The following ZBBX variants were observed in gnomAD, a reference collection of about 807,000 sequenced individuals.
ZBBX encodes zinc finger B-box domain-containing protein 1.
ZBBX carries 101 observed loss-of-function variants against 108.5 expected under a neutral mutation model. That is an observed-to-expected ratio of 0.93 (90% confidence interval 0.79 to 1.10). The LOEUF is 1.10. Ranked by LOEUF, ZBBX falls within the 50% of genes least tolerant of loss-of-function variation. The pLI is 0.00. For missense variants in ZBBX, 1,009 were observed against 941.4 expected (o/e 1.07, Z -0.94); for synonymous variants, 356 against 323.4 (o/e 1.10, Z -1.08).
the ZBBX span, among the ~76,000 whole-genome samples, chr3:167,229,068 T>C: frequency 2.0e-5 from 3 of 151,844 alleles, no homozygotes; most frequent in Admixed American, 1.3e-4. Context: ...ACTTAGCAAG[T>C]GGATTGTGCA....
downstream of ZBBX, among the ~76,000 whole-genome samples, chr3:167,238,996 A>G (rs537847797): frequency 6.6e-6 from 1 of 152,170 alleles, no homozygotes; most frequent in East Asian, 1.9e-4. Context: ...ATCTATCTAT[A>G]TATCTATCTA....
the ZBBX span, among the ~76,000 whole-genome samples, chr3:167,194,869 G>T: frequency 1.3e-5 from 2 of 152,152 alleles, no homozygotes; most frequent in African/African-American, 4.8e-5. Flanking sequence ...CCTTTCCCTT[G>T]TATAGGAACT....
the ZBBX span, among the ~76,000 whole-genome samples, chr3:167,213,128 CAG>C: frequency 6.6e-6 from 1 of 152,110 alleles, no homozygotes; most frequent in African/African-American, 2.4e-5. Flanking sequence ...CTCAAATGGC[CAG>C]AGTGTCATAT....
At chr3:167,366,558 A>T (rs1413862157) in intron 5 of ZBBX, among the ~76,000 whole-genome samples, 1 of 151,916 alleles carries the variant, frequency 6.6e-6, no homozygotes, top group African/African-American at 2.4e-5. Context: ...TTAAAAAATA[A>T]CAATAAGACA....
chr3:167,336,148 T>TTA (rs779825211), intron 9 of ZBBX, among the ~76,000 whole-genome samples: 47 of 152,176 alleles, frequency 3.1e-4, no homozygotes, highest in Middle Eastern at 3.4e-3. Context: ...TATGTTTATT[T>TTA]AAGTAACACA....
intron 20 of ZBBX, among the ~76,000 whole-genome samples, chr3:167,279,714 C>G (rs1013789832): frequency 0.049 from 7,500 of 151,712 alleles, 499 homozygotes; most frequent in African/African-American, 0.15. Context: ...ATCAAGCTAC[C>G]AATGACTTTC....
chr3:167,251,317 G>A (rs373329665), intron 20 of ZBBX, among the ~76,000 whole-genome samples: 28 of 152,198 alleles, frequency 1.8e-4, no homozygotes, highest in African/African-American at 2.9e-4. Context: ...CTTGTGACAA[G>A]GTAGAGGGTC....
Position 167,403,324 on chromosome 3 carries a change from G to A in ZBBX, c.-446+4402C>T, listed in dbSNP as rs112826587. 2.8e-3 allele frequency among the ~76,000 whole-genome samples: 420 copies of A among 152,078 alleles called. 2 individuals are homozygous for A. Among genetic ancestry groups the A allele is most frequent in the African/African-American group, 9.3e-3 (386 of 41,500 alleles). ...TAGAATCCTACATCCAGCAAAAATC[G>A]CCTTCAAAACTAAAGGTAAAATACA... is the stretch of plus-strand genomic sequence containing the variant. On this transcript the variant is annotated intron_variant, in intron 1 of 21. Transcript: ENST00000455345.
intron 1 of ZBBX, among the ~76,000 whole-genome samples, chr3:167,407,598 T>G (rs1748626844): frequency 6.6e-6 from 1 of 152,144 alleles, no homozygotes; most frequent in Non-Finnish European, 1.5e-5. Context: ...CAGTATACAC[T>G]GTATTCTTAC....
intron 12 of ZBBX, among the ~76,000 whole-genome samples, chr3:167,321,577 G>A (rs1337092173): frequency 1.3e-5 from 2 of 151,990 alleles, no homozygotes; most frequent in East Asian, 3.9e-4. Context: ...TATCACCTGG[G>A]AGCTATTAGA....
chr3:167,203,713 C>G, the ZBBX span, among the ~76,000 whole-genome samples: 1 of 152,020 alleles, frequency 6.6e-6, no homozygotes, highest in African/African-American at 2.4e-5. Flanking sequence ...AAGCAATTAT[C>G]TTCCTGTTGT....
intron 15 of ZBBX, among the ~76,000 whole-genome samples, chr3:167,314,556 T>A (rs1735119018): frequency 6.6e-6 from 1 of 152,208 alleles, no homozygotes; most frequent in Non-Finnish European, 1.5e-5. Flanking sequence ...TTAATAATGA[T>A]TACTATCTAT....
At chr3:167,358,056 T>C (rs1384477193) in intron 8 of ZBBX, among the ~76,000 whole-genome samples, 5 of 151,940 alleles carry the variant, frequency 3.3e-5, no homozygotes, top group African/African-American at 7.3e-5. Flanking sequence ...TTAGGAGATA[T>C]ACCTAATGCT....
At chr3:167,188,700 C>A in the ZBBX span, among the ~76,000 whole-genome samples, 1 of 152,186 alleles carries the variant, frequency 6.6e-6, no homozygotes, top group South Asian at 2.1e-4. Context: ...CATTTATCTA[C>A]ATAATAACTT....
At position 167,327,951 on chromosome 3, in the gene ZBBX, C is replaced by T; in HGVS notation, c.853G>A (p.Ala285Thr). ...AAAAAAAAAGCCATACCTTTTACTG[C>T]TGCATGTAAATTCTGTTTCTTGTTG... is the stretch of plus-strand genomic sequence containing the variant. ...DDNKKQNLHA[A>T]VKDSLEECEV... Residue 285 changes from alanine to threonine, a missense_variant, in exon 11 of 22, where the codon GCA (alanine) becomes ACA (threonine). Transcript: ENST00000675490. 2 of 1,383,818 alleles carry T rather than the reference C, an allele frequency of 1.4e-6. No individual in the cohort carries two copies. 85.7% of individuals were successfully genotyped at this position (1,383,818 alleles called of 1,614,324 possible).
intron 20 of ZBBX, among the ~76,000 whole-genome samples, chr3:167,258,896 G>A (rs1478987332): frequency 6.6e-6 from 1 of 152,106 alleles, no homozygotes; most frequent in Non-Finnish European, 1.5e-5. Flanking sequence ...GAGGATTTTA[G>A]CATCTATGTT....
At chr3:167,279,948 T>C (rs1728462093) in intron 20 of ZBBX, among the ~76,000 whole-genome samples, 3 of 151,744 alleles carry the variant, frequency 2.0e-5, no homozygotes, top group Admixed American at 2.0e-4. Context: ...ACGCCGCATA[T>C]CTACAGCTAT....
At chr3:167,406,984 CA>C (rs1560218868) in intron 1 of ZBBX, among the ~76,000 whole-genome samples, 1 of 152,164 alleles carries the variant, frequency 6.6e-6, no homozygotes, top group Non-Finnish European at 1.5e-5. Flanking sequence ...ACATAAGAAC[CA>C]GGAGAACAGT....
chr3:167,188,078 T>G, the ZBBX span, among the ~76,000 whole-genome samples: 1 of 152,182 alleles, frequency 6.6e-6, no homozygotes, highest in Admixed American at 6.6e-5. Flanking sequence ...GAAAAAATCT[T>G]ACTCAGATTA....
Sources: allele counts gnomAD v4.1 joint callset (sites outside exome capture counted in the v4.1 genomes callset), GRCh38; gene constraint gnomAD v4.1.1; transcripts MANE v1.5; gene names NCBI Gene and HGNC (gene_info 2026-07-23, HGNC 2026-07-21).